DIP2C: variants seen among roughly 807,000 people sequenced by gnomAD.
DIP2C encodes the protein DIP2 acetate--CoA ligase C (putative), also known as disco-interacting protein 2 homolog C.
In DIP2C, 33 loss-of-function variants were observed where a neutral mutation model predicts 192.4. That is an observed-to-expected ratio of 0.17 (90% CI 0.13 to 0.23). DIP2C has a LOEUF of 0.23. Ranked by LOEUF, DIP2C falls within the 10% of genes least tolerant of loss-of-function variation. The pLI is 1.00. For missense variants in DIP2C, 1,537 were observed against 2,110.1 expected, an observed-to-expected ratio of 0.73 and a Z score of 5.32; for synonymous variants, 979 against 864.1, an observed-to-expected ratio of 1.13 and a Z score of -2.33.
chr10:641,139 C>CAAAAAAAAA, intron 1 of DIP2C, among the ~76,000 whole-genome samples: 1 of 146,872 alleles, frequency 6.8e-6, no homozygotes, highest in African/African-American at 2.5e-5. Context: ...TTGCTAATTG[C>CAAAAAAAAA]AAAAAAAAAA....
intron 3 of DIP2C, among the ~76,000 whole-genome samples, chr10:470,381 C>T (rs762702180): frequency 6.6e-5 from 10 of 152,280 alleles, no homozygotes; most frequent in Middle Eastern, 3.4e-3. Flanking sequence ...GCTGAAGTGT[C>T]GGTCTCCTCC....
chr10:488,792 A>G (rs559851204), intron 1 of DIP2C, among the ~76,000 whole-genome samples: 2 of 152,326 alleles, frequency 1.3e-5, no homozygotes, highest in South Asian at 4.1e-4. Context: ...TATTTGTAAC[A>G]CACATGCACA....
intron 1 of DIP2C, among the ~76,000 whole-genome samples, chr10:646,341 G>A (rs1554764461): frequency 6.9e-6 from 1 of 144,268 alleles, no homozygotes; most frequent in Non-Finnish European, 1.5e-5. Flanking sequence ...CACACTCCAC[G>A]CCTCCTTCCA....
chr10:504,033 G>T (rs1845422987), intron 1 of DIP2C, among the ~76,000 whole-genome samples: 1 of 152,144 alleles, frequency 6.6e-6, no homozygotes, highest in South Asian at 2.1e-4. Flanking sequence ...AGATACAACT[G>T]GTCTAATTCT....
chr10:497,410 A>G (rs747999478), intron 1 of DIP2C, among the ~76,000 whole-genome samples: 1 of 152,124 alleles, frequency 6.6e-6, no homozygotes, highest in Non-Finnish European at 1.5e-5. Context: ...CACACCCCTC[A>G]TTACTTCCTG....
chr10:279,845 G>T (rs116337814), intron 36 of DIP2C, among the ~76,000 whole-genome samples: 3 of 152,224 alleles, frequency 2.0e-5, no homozygotes, highest in South Asian at 4.1e-4. Context: ...TAAGCACCAC[G>T]GTCTAGAAGC....
intron 1 of DIP2C, among the ~76,000 whole-genome samples, chr10:626,395 G>A (rs563861811): frequency 2.2e-4 from 33 of 148,294 alleles, no homozygotes; most frequent in African/African-American, 7.6e-4. Context: ...AAAGGCACCT[G>A]GAGAAGTGGT....
intron 1 of DIP2C, among the ~76,000 whole-genome samples, chr10:612,163 G>A (rs888630765): frequency 6.6e-6 from 1 of 151,930 alleles, no homozygotes; most frequent in African/African-American, 2.4e-5. Context: ...CATGGTGACG[G>A]GCACTTATAA....
chr10:393,801 A>G (rs553146903), intron 10 of DIP2C, among the ~76,000 whole-genome samples: 55 of 148,230 alleles, frequency 3.7e-4, no homozygotes, highest in African/African-American at 1.2e-3. Context: ...AAAAAAGAAA[A>G]AAAAAGAAAA....
At chr10:364,691 AC>A in intron 19 of DIP2C, 109 bp from the exon 20 acceptor site, 1 of 1,216,018 alleles carries the variant, frequency 8.2e-7, no homozygotes, top group Non-Finnish European at 1.2e-6. Flanking sequence ...TCTGCCTTTC[AC>A]CCCAGCAACC....
intron 6 of DIP2C, 135 bp from the exon 7 acceptor site, chr10:416,023 C>A: frequency 1.5e-6 from 2 of 1,358,926 alleles, no homozygotes; most frequent in South Asian, 2.7e-5. Context: ...CTGGGAAGGG[C>A]CCGAGGTGAT....
In DIP2C at chr10:356,452, T is replaced by C. The variant is rs972032617; in HGVS notation, c.2959A>G (p.Ile987Val). 6.2e-7 allele frequency: 1 copy of C among 1,611,876 alleles called. No homozygotes were observed. The highest frequency in any genetic ancestry group is 1.1e-5 in the South Asian group (1 of 91,070). The change falls in exon 24 of 37, where the codon ATC (isoleucine) becomes GTC (valine). Residue 987 changes from isoleucine to valine, a missense_variant. By Grantham distance (29) the Ile-to-Val change is conservative. This residue lies in a region of DIP2C where 677 missense variants were observed against 989.9 expected (regional missense o/e 0.68). Coordinates refer to ENST00000280886, the MANE Select transcript of DIP2C (RefSeq NM_014974.3). Reference sequence around the variant, plus strand: ...CGACAGTTGAGCAGCGTGTAGAGGATGTGGTCCGGGGTGGTCTGTGCTCTC... The same window carrying C: ...CGACAGTTGAGCAGCGTGTAGAGGACGTGGTCCGGGGTGGTCTGTGCTCTC... ...QWRAQTTPDH[I>V]LYTLLNCRGA...
chr10:682,054 T>C (rs986031637), intron 1 of DIP2C, among the ~76,000 whole-genome samples: 1 of 152,232 alleles, frequency 6.6e-6, no homozygotes, highest in Non-Finnish European at 1.5e-5. Flanking sequence ...AAATGAATGA[T>C]TCACATAATA....
At chr10:454,900 A>C (rs746487502) in intron 3 of DIP2C, among the ~76,000 whole-genome samples, 1 of 152,178 alleles carries the variant, frequency 6.6e-6, no homozygotes, top group Non-Finnish European at 1.5e-5. Flanking sequence ...ATTACTATGT[A>C]TATCCACAGC....
intron 1 of DIP2C, among the ~76,000 whole-genome samples, chr10:657,900 G>C (rs1273033866): frequency 5.0e-5 from 7 of 139,794 alleles, no homozygotes; most frequent in South Asian, 4.7e-4. Context: ...TGGACCTGCC[G>C]CTGGACCTGC....
chr10:511,946 C>T (rs1478589061), intron 1 of DIP2C, among the ~76,000 whole-genome samples: 3 of 152,160 alleles, frequency 2.0e-5, no homozygotes, highest in Admixed American at 6.5e-5. Flanking sequence ...CCTGGCTGGC[C>T]GACTGCGGGA....
intron 3 of DIP2C, among the ~76,000 whole-genome samples, chr10:467,520 T>A: frequency 1.3e-5 from 1 of 75,940 alleles, no homozygotes; most frequent in Non-Finnish European, 3.0e-5. Context: ...ACCCTAAAAC[T>A]TAAAGTATAA....
intron 1 of DIP2C, among the ~76,000 whole-genome samples, chr10:653,213 C>A (rs973901761): frequency 1.3e-5 from 2 of 152,046 alleles, no homozygotes; most frequent in Admixed American, 6.5e-5. Flanking sequence ...CTTTGGGAGG[C>A]CAAGGTGGGC....
chr10:475,522 C>T (rs956169738), intron 2 of DIP2C, among the ~76,000 whole-genome samples: 3 of 152,152 alleles, frequency 2.0e-5, no homozygotes, highest in African/African-American at 7.2e-5. Flanking sequence ...CGATGGTGCA[C>T]GGAGTTCCAG....
Sources: gnomAD v4.1 joint callset for allele counts (sites outside exome capture counted in the v4.1 genomes callset) on GRCh38, gnomAD v4.1.1 for gene constraint, gnomAD v4.1.1 regional missense constraint, MANE v1.5 for transcripts, NCBI Gene and HGNC (gene_info 2026-07-23, HGNC 2026-07-21) for gene names.